Variants in CABIN1 observed in about 807,000 individuals in gnomAD.
CABIN1 encodes the protein calcineurin-binding protein cabin-1.
Under a neutral mutation model 227.7 loss-of-function variants are expected in CABIN1, and 133 were observed. The ratio of observed to expected loss-of-function variants is 0.58; its 90% CI spans 0.51 to 0.67. CABIN1 has a LOEUF of 0.67. CABIN1 is among the 30% of genes least tolerant of loss of function. The pLI, the probability that CABIN1 is intolerant of heterozygous loss-of-function variation, is 0.00. For missense variants in CABIN1, 2,408 were observed against 2,852.5 expected (o/e 0.84, Z 3.55); for synonymous variants, 1,086 against 1,155.1 (o/e 0.94, Z 1.21).
chr22:24,012,908 C>T (rs2034932762), intron 1 of CABIN1, among the ~76,000 whole-genome samples: 1 of 151,886 alleles, frequency 6.6e-6, no homozygotes, highest in Admixed American at 6.6e-5. Flanking sequence ...CTACAGACAC[C>T]CGCCACCATG....
chr22:24,168,293 CT>C (rs2046575098), intron 32 of CABIN1, 153 bp from the exon 33 acceptor site: 5 of 182,574 alleles, frequency 2.7e-5, no homozygotes, highest in Non-Finnish European at 5.2e-5. Flanking sequence ...GTGGGGACGG[CT>C]GGCTATTCAG....
At chr22:24,016,131 A>AACT (rs2035266752) in intron 1 of CABIN1, among the ~76,000 whole-genome samples, 2 of 152,242 alleles carry the variant, frequency 1.3e-5, no homozygotes, top group Non-Finnish European at 2.9e-5. Context: ...CTGATCCATT[A>AACT]GCAATTAGCA....
intron 29 of CABIN1, among the ~76,000 whole-genome samples, chr22:24,143,114 G>A (rs748281893): frequency 1.3e-5 from 2 of 152,188 alleles, no homozygotes; most frequent in Non-Finnish European, 2.9e-5. Flanking sequence ...ACTTGGCCAT[G>A]GTCCTATCAC....
intron 25 of CABIN1, 73 bp downstream of exon 25, chr22:24,096,155 GTGT>G (rs1436527524): frequency 2.0e-6 from 3 of 1,533,878 alleles, no homozygotes; most frequent in East Asian, 4.5e-5. Context: ...TTACTGCAAT[GTGT>G]TGTTCAGAGG....
At position 24,013,994 on chromosome 22, in the gene CABIN1, T is replaced by C. The variant is rs144377903; in HGVS notation, c.-75+2627T>C. ...TATTGGAATGTCTTATTACTGGTGA[T>C]ATTTACCTTGATCTATTGGTTTACT... On this transcript the variant is annotated intron_variant, in intron 1 of 36. Transcript: ENST00000263119. 8.2e-4 allele frequency among the ~76,000 whole-genome samples: 125 copies of C among 152,338 alleles called. 1 individual carries two copies. Among genetic ancestry groups the C allele is most frequent in the African/African-American group, 2.8e-3 (118 of 41,576 alleles).
chr22:24,031,791 T>C (rs2036517659), intron 1 of CABIN1, among the ~76,000 whole-genome samples: 1 of 152,184 alleles, frequency 6.6e-6, no homozygotes, highest in Admixed American at 6.5e-5. Flanking sequence ...TAAGTTCTGC[T>C]TACTGGGAGT....
chr22:24,089,992 A>G (rs2041436413), intron 23 of CABIN1, among the ~76,000 whole-genome samples: 2 of 152,208 alleles, frequency 1.3e-5, no homozygotes, highest in Non-Finnish European at 2.9e-5. Flanking sequence ...CCCCATATGC[A>G]AGGTGAATGA....
At position 24,083,922 on chromosome 22, in the gene CABIN1, G is replaced by A. The variant is rs117170435; in HGVS notation, c.2910+533G>A. Among the ~76,000 whole-genome samples the A allele has an allele frequency of 2.2e-3, 333 of 152,308 alleles. 1 individual carries two copies. The highest frequency in any genetic ancestry group is 0.01 in the Middle Eastern group (3 of 294). On this transcript the variant is annotated intron_variant, in intron 20 of 36. Coordinates refer to ENST00000263119, the MANE Select transcript of CABIN1 (RefSeq NM_012295.4). ...AGCGCTATTGAGTGTATTATCTAAT[G>A]GCTCCTCAGTACTGTCAGTTATTCT...
At chr22:24,023,026 C>T (rs917435603) in intron 1 of CABIN1, among the ~76,000 whole-genome samples, 1 of 152,076 alleles carries the variant, frequency 6.6e-6, no homozygotes, top group Admixed American at 6.5e-5. Flanking sequence ...TATCTATTTC[C>T]AAAAAATTTT....
At chr22:24,109,255 GT>G (rs1425194101) in intron 26 of CABIN1, among the ~76,000 whole-genome samples, 15 of 147,200 alleles carry the variant, frequency 1.0e-4, no homozygotes, top group Admixed American at 8.2e-4. Flanking sequence ...GTCTCGCTCT[GT>G]TTTTCCAGGC....
intron 28 of CABIN1, among the ~76,000 whole-genome samples, chr22:24,121,124 A>C (rs1474585013): frequency 7.2e-5 from 11 of 152,130 alleles, no homozygotes; most frequent in Admixed American, 7.2e-4. Flanking sequence ...AGCTGTGAGG[A>C]CTCAGTCAGG....
chr22:24,100,608 C>G (rs931277789), intron 26 of CABIN1, among the ~76,000 whole-genome samples: 4 of 152,214 alleles, frequency 2.6e-5, no homozygotes, highest in Non-Finnish European at 5.9e-5. Context: ...GCACTGATTG[C>G]AGGCCACCAC....
At position 24,059,963 on chromosome 22, in the gene CABIN1, C is replaced by T; in HGVS notation, c.1439C>T (p.Thr480Ile). The change falls in exon 12 of 37, where the codon ACC becomes ATC. Residue 480 changes from threonine (T) to isoleucine (I), a missense_variant. Thr to Ile is a moderately conservative substitution (Grantham distance 89, BLOSUM62 -1). Transcript: ENST00000263119. ...CATGAGTTCCTGCTGGAGAACCTAACCAACGGGGGCATCCTGGAGCTGATG... is the reference window on the plus strand; with the variant it reads ...CATGAGTTCCTGCTGGAGAACCTAATCAACGGGGGCATCCTGGAGCTGATG... ...DVHEFLLENLTNGGILELMMR... is the reference protein window; with the variant it reads ...DVHEFLLENLINGGILELMMR... 1 of 1,614,226 alleles carries T rather than the reference C, an allele frequency of 6.2e-7. No homozygotes were observed. Among genetic ancestry groups the T allele is most frequent in the Non-Finnish European group, 8.5e-7 (1 of 1,180,046 alleles).
At chr22:24,151,782 G>T (rs1388738891) in intron 29 of CABIN1, among the ~76,000 whole-genome samples, 3 of 152,024 alleles carry the variant, frequency 2.0e-5, no homozygotes, top group Non-Finnish European at 4.4e-5. Flanking sequence ...CCCAGATATG[G>T]TACCCACTGC....
intron 1 of CABIN1, among the ~76,000 whole-genome samples, chr22:24,023,055 C>T (rs544961693): frequency 1.3e-5 from 2 of 152,240 alleles, no homozygotes; most frequent in East Asian, 3.9e-4. Flanking sequence ...CAAACAGAAA[C>T]TTTGTGTTTA....
Position 24,070,856 on chromosome 22 carries a change from T to A in CABIN1, c.2289T>A (p.Ala763=). ...AGTGTTTTGAGTGTTCCGATGTGGC[T>A]CTGAACGAGGCTGTCCAGCAGATGG... ...YRQCFECSDV[A]LNEAVQQMVN... Residue 763 remains alanine (A), a synonymous_variant, in exon 17 of 37, where the codon GCT becomes GCA. Transcript: ENST00000263119. 6.2e-7 allele frequency: 1 copy of A among 1,614,244 alleles called. No individual in the cohort carries two copies. Among genetic ancestry groups the A allele is most frequent in the Non-Finnish European group, 8.5e-7 (1 of 1,180,052 alleles).
intron 29 of CABIN1, among the ~76,000 whole-genome samples, chr22:24,151,957 T>C (rs538351256): frequency 6.6e-6 from 1 of 152,138 alleles, no homozygotes; most frequent in Admixed American, 6.5e-5. Flanking sequence ...AGAGCCCTGG[T>C]ATTGGTGACT....
At chr22:24,057,070 G>A (rs1483951660) in intron 10 of CABIN1, among the ~76,000 whole-genome samples, 3 of 152,088 alleles carry the variant, frequency 2.0e-5, no homozygotes, top group Non-Finnish European at 4.4e-5. Flanking sequence ...ACGCATAGCT[G>A]GGACTACAGG....
At chr22:24,115,414 G>C (rs1186173423) in intron 27 of CABIN1, among the ~76,000 whole-genome samples, 33 of 152,196 alleles carry the variant, frequency 2.2e-4, no homozygotes, top group Non-Finnish European at 5.9e-5. Flanking sequence ...AAGAAAGTTA[G>C]GGTAGGACCA....
Sources: gnomAD v4.1 joint callset for allele counts (sites outside exome capture counted in the v4.1 genomes callset) on GRCh38, gnomAD v4.1.1 for gene constraint, MANE v1.5 for transcripts, NCBI Gene and HGNC (gene_info 2026-07-23, HGNC 2026-07-21) for gene names.